THRB: variants seen among roughly 807,000 people sequenced by gnomAD.
The protein encoded by THRB is nuclear receptor subfamily 1 group A member 2.
In THRB, 12 loss-of-function variants were observed where a neutral mutation model predicts 47.8. That is an observed-to-expected ratio of 0.25 (90% CI 0.16 to 0.41). The LOEUF (loss-of-function observed/expected upper bound fraction) is 0.41, where lower values mean the gene tolerates loss of function less well. THRB is among the 10% of genes least tolerant of loss of function. The probability of loss-of-function intolerance (pLI) is 1.00; values close to 1 mark genes in which losing one functional copy is unlikely to be tolerated. For missense variants in THRB, 348 were observed against 589.2 expected (o/e 0.59, Z 4.24); for synonymous variants, 218 against 212.2 (o/e 1.03, Z -0.24).
At chr3:24,263,065 A>G (rs1394665681) in intron 3 of THRB, among the ~76,000 whole-genome samples, 2 of 152,184 alleles carry the variant, frequency 1.3e-5, no homozygotes, top group African/African-American at 4.8e-5. Flanking sequence ...GGGGTAAACC[A>G]TTCCATTTTT....
At chr3:24,271,539 G>C (rs563339924) in intron 3 of THRB, among the ~76,000 whole-genome samples, 1 of 152,246 alleles carries the variant, frequency 6.6e-6, no homozygotes, top group South Asian at 2.1e-4. Context: ...GGGATGAACA[G>C]AGTATTTCTA....
chr3:24,211,879 T>A (rs2046062806), intron 4 of THRB, among the ~76,000 whole-genome samples: 1 of 152,232 alleles, frequency 6.6e-6, no homozygotes, highest in South Asian at 2.1e-4. Flanking sequence ...CAATTGGTCC[T>A]AGTTCAATGG....
At chr3:24,292,612 G>T (rs921287651) in intron 3 of THRB, among the ~76,000 whole-genome samples, 1 of 152,094 alleles carries the variant, frequency 6.6e-6, no homozygotes, top group Non-Finnish European at 1.5e-5. Flanking sequence ...GAACCATCTT[G>T]TCCTCATTAA....
At chr3:24,233,598 A>G (rs1387314163) in intron 3 of THRB, among the ~76,000 whole-genome samples, 1 of 150,860 alleles carries the variant, frequency 6.6e-6, no homozygotes, top group Non-Finnish European at 1.5e-5. Context: ...AAAGAAAGAA[A>G]GAAAGAAAGA....
intron 2 of THRB, among the ~76,000 whole-genome samples, chr3:24,299,802 T>TTTTTTTTTA (rs1363344985): frequency 7.5e-6 from 1 of 132,946 alleles, no homozygotes; most frequent in African/African-American, 2.9e-5. Context: ...TTTTTTTTTT[T>TTTTTTTTTA]AGCAAACATA....
rs190636237 is a variant in THRB, at chr3:24,271,168, C to T, written c.-43+26058G>A. Among the ~76,000 whole-genome samples the T allele has an allele frequency of 7.0e-3, 1,059 of 152,276 alleles. 55 individuals are homozygous for T. Among genetic ancestry groups the T allele is most frequent in the Admixed American group, 0.062 (951 of 15,278 alleles). ...ACCAAGAGGATATTTAGTGCTGGAA[C>T]CAAAGTGTCATTCCTTCTTTTTTTA... is the stretch of plus-strand genomic sequence containing the variant. On this transcript the variant is annotated intron_variant, in intron 3 of 10. Coordinates refer to ENST00000646209, the MANE Select transcript of THRB (RefSeq NM_001354712.2).
intron 5 of THRB, among the ~76,000 whole-genome samples, chr3:24,167,384 T>C (rs746348904): frequency 4.6e-5 from 7 of 152,170 alleles, no homozygotes; most frequent in Admixed American, 1.3e-4. Flanking sequence ...TACTTTCTGA[T>C]TACCATTAAA....
chr3:24,152,606 C>G (rs2037140516), intron 5 of THRB, 116 bp from the exon 6 acceptor site: 1 of 701,868 alleles, frequency 1.4e-6, no homozygotes, highest in East Asian at 2.7e-5. Flanking sequence ...GAGGTAACAA[C>G]AGTAAAGACT....
At chr3:24,159,594 A>G (rs2038445270) in intron 5 of THRB, among the ~76,000 whole-genome samples, 1 of 152,210 alleles carries the variant, frequency 6.6e-6, no homozygotes, top group Non-Finnish European at 1.5e-5. Flanking sequence ...TCCTTTATGA[A>G]AGATCCTTTA....
intron 1 of THRB, among the ~76,000 whole-genome samples, chr3:24,377,194 C>G (rs2065355994): frequency 1.3e-5 from 2 of 152,110 alleles, no homozygotes. Context: ...ATCCTCCTGC[C>G]TCGGCCTCCC....
chr3:24,165,289 C>G (rs371706851), intron 5 of THRB: 4 of 765,086 alleles, frequency 5.2e-6, no homozygotes, highest in African/African-American at 5.1e-5. Context: ...AATCAGTGGA[C>G]TGCATGTAGC....
chr3:24,189,977 C>A (rs778844965), intron 5 of THRB, 97 bp downstream of exon 5: 1 of 1,215,160 alleles, frequency 8.2e-7, no homozygotes, highest in Non-Finnish European at 1.2e-6. Context: ...GGACACCATA[C>A]ATTGGAAGAG....
At chr3:24,374,447 T>C (rs2065138131) in intron 1 of THRB, among the ~76,000 whole-genome samples, 2 of 152,164 alleles carry the variant, frequency 1.3e-5, no homozygotes, top group South Asian at 4.1e-4. Context: ...CATTTAGCTA[T>C]ATGTTTGCTT....
chr3:24,324,058 G>A (rs1467827325), intron 2 of THRB, among the ~76,000 whole-genome samples: 1 of 152,094 alleles, frequency 6.6e-6, no homozygotes, highest in South Asian at 2.1e-4. Flanking sequence ...AGCCACCTTG[G>A]ATACCACCCC....
At chr3:24,183,818 C>A (rs1346782858) in intron 5 of THRB, among the ~76,000 whole-genome samples, 2 of 151,590 alleles carry the variant, frequency 1.3e-5, no homozygotes, top group Admixed American at 1.3e-4. Context: ...TTTCCCTGAG[C>A]TGATGATTTA....
chr3:24,428,419 G>GATC (rs951699961), intron 1 of THRB, among the ~76,000 whole-genome samples: 1 of 152,016 alleles, frequency 6.6e-6, no homozygotes, highest in African/African-American at 2.4e-5. Context: ...CATTGCAAGT[G>GATC]ATCAAGCCTG....
At position 24,327,965 on chromosome 3, in the gene THRB, A is replaced by T. The variant is rs892262403; in HGVS notation, c.-189+9335T>A. Among the ~76,000 whole-genome samples, 8 of 152,016 alleles carry T rather than the reference A, an allele frequency of 5.3e-5. No homozygotes were observed. In the East Asian group the frequency reaches 1.3e-3, roughly 26 times the overall value. On this transcript the variant is annotated intron_variant, in intron 2 of 10. Coordinates refer to ENST00000646209, the MANE Select transcript of THRB (RefSeq NM_001354712.2). ...AAAAAAGAGTTCTTAAAAATCATTA[A>T]AAAAAATCAATACCCTATAGGAAAT...
At chr3:24,390,320 C>T (rs1349012615) in intron 1 of THRB, among the ~76,000 whole-genome samples, 2 of 152,130 alleles carry the variant, frequency 1.3e-5, no homozygotes, top group South Asian at 2.1e-4. Flanking sequence ...AAGTGGTTTT[C>T]GAACACTCCT....
intron 4 of THRB, among the ~76,000 whole-genome samples, chr3:24,216,556 C>T (rs771708874): frequency 2.0e-5 from 3 of 151,946 alleles, no homozygotes; most frequent in African/African-American, 4.8e-5. Context: ...TGCAGTGAGC[C>T]GAGATTGTGC....
Sources: gnomAD v4.1 joint callset for allele counts (sites outside exome capture counted in the v4.1 genomes callset) on GRCh38, gnomAD v4.1.1 for gene constraint, MANE v1.5 for transcripts, NCBI Gene and HGNC (gene_info 2026-07-23, HGNC 2026-07-21) for gene names.